Variants in CSNK1G1 observed in about 807,000 individuals in gnomAD.
CSNK1G1 encodes the protein casein kinase I isoform gamma-1.
Under a neutral mutation model 59.6 loss-of-function variants are expected in CSNK1G1, and 22 were observed. That is an observed-to-expected ratio of 0.37 (90% CI 0.26 to 0.53). CSNK1G1 has a LOEUF of 0.53. Among genes scored for constraint, CSNK1G1 ranks in the 20% least tolerant of loss-of-function variants. The pLI is 0.89. For missense variants in CSNK1G1, 384 were observed against 519.5 expected, an observed-to-expected ratio of 0.74 and a Z score of 2.54; for synonymous variants, 179 against 177.1, an observed-to-expected ratio of 1.01 and a Z score of -0.08.
chr15:64,291,205 G>T (rs1894722814), intron 2 of CSNK1G1, among the ~76,000 whole-genome samples: 1 of 152,150 alleles, frequency 6.6e-6, no homozygotes, highest in Non-Finnish European at 1.5e-5. Context: ...AAAATACCAT[G>T]ATTTTCTAAG....
intron 2 of CSNK1G1, among the ~76,000 whole-genome samples, chr15:64,277,236 G>A (rs1020458088): frequency 6.6e-6 from 1 of 152,128 alleles, no homozygotes; most frequent in African/African-American, 2.4e-5. Context: ...AGGTCAAGGT[G>A]AGAGAATCAC....
intron 10 of CSNK1G1, 54 bp from the exon 11 acceptor site, chr15:64,180,508 T>G: frequency 2.1e-6 from 3 of 1,407,490 alleles, no homozygotes; most frequent in Non-Finnish European, 2.0e-6. Flanking sequence ...AGAAATCTCT[T>G]GCCAGCGCCA....
intron 2 of CSNK1G1, among the ~76,000 whole-genome samples, chr15:64,298,360 A>G (rs1895138012): frequency 1.3e-5 from 2 of 152,364 alleles, no homozygotes; most frequent in South Asian, 4.1e-4. Flanking sequence ...TGTTTATGTC[A>G]TAATTATTTA....
chr15:64,286,990 A>G (rs1894460413), intron 2 of CSNK1G1, among the ~76,000 whole-genome samples: 1 of 152,218 alleles, frequency 6.6e-6, no homozygotes, highest in Admixed American at 6.5e-5. Context: ...ATGTAATTAT[A>G]TTAAATGCTA....
In CSNK1G1 at chr15:64,213,875, CAG is replaced by C; in HGVS notation, c.679+13_679+14del. On this transcript the variant is annotated intron_variant, in intron 6 of 11. Coordinates refer to ENST00000303052, the MANE Select transcript of CSNK1G1 (RefSeq NM_022048.5). The stretch of plus-strand genomic sequence containing the variant: ...CTAATGACTCGCCCCTTTCATGGAA[CAG>C]AAAAAAACACACCTTTGCCAAGATG... 6.4e-7 allele frequency: 1 copy of C among 1,560,244 alleles called. No individual in the cohort carries two copies. Among genetic ancestry groups the C allele is most frequent in the South Asian group, 1.1e-5 (1 of 89,706 alleles).
intron 10 of CSNK1G1, among the ~76,000 whole-genome samples, chr15:64,183,214 C>G (rs1281150992): frequency 2.0e-5 from 3 of 152,170 alleles, no homozygotes; most frequent in Non-Finnish European, 4.4e-5. Context: ...CCTAAATTCT[C>G]CTCGCTACAA....
At chr15:64,242,944 T>C (rs942260562) in intron 4 of CSNK1G1, among the ~76,000 whole-genome samples, 3 of 152,164 alleles carry the variant, frequency 2.0e-5, no homozygotes, top group African/African-American at 7.2e-5. Flanking sequence ...AATTAATATA[T>C]GAGATATATC....
chr15:64,324,269 T>A (rs1355727680), intron 1 of CSNK1G1, among the ~76,000 whole-genome samples: 1 of 152,198 alleles, frequency 6.6e-6, no homozygotes, highest in African/African-American at 2.4e-5. Context: ...TGCAAAGTAA[T>A]GTTCCTGGGT....
At chr15:64,253,133 C>T (rs1892180792) in intron 3 of CSNK1G1, among the ~76,000 whole-genome samples, 1 of 152,074 alleles carries the variant, frequency 6.6e-6, no homozygotes, top group Non-Finnish European at 1.5e-5. Context: ...CTGTTTGAGC[C>T]CAGGGGTTCG....
chr15:64,283,869 T>C (rs964279570), intron 2 of CSNK1G1, among the ~76,000 whole-genome samples: 2 of 152,238 alleles, frequency 1.3e-5, no homozygotes, highest in African/African-American at 2.4e-5. Flanking sequence ...TTTCTTCTAC[T>C]GTTTATGCTT....
chr15:64,332,372 T>C (rs1016756577), intron 1 of CSNK1G1, among the ~76,000 whole-genome samples: 4 of 140,152 alleles, frequency 2.9e-5, no homozygotes, highest in Non-Finnish European at 6.2e-5. Flanking sequence ...ATGTCCTTTG[T>C]AGGGACATGG....
chr15:64,229,769 A>G (rs2082517643), intron 4 of CSNK1G1, among the ~76,000 whole-genome samples: 1 of 152,004 alleles, frequency 6.6e-6, no homozygotes. Flanking sequence ...GTGAGCCAAG[A>G]AATTCTCCTC....
intron 4 of CSNK1G1, among the ~76,000 whole-genome samples, chr15:64,225,276 G>A (rs184651421): frequency 3.0e-3 from 462 of 152,026 alleles, no homozygotes; most frequent in Non-Finnish European, 5.6e-3. Context: ...CAGGAGAATA[G>A]GGTCTGGAAA....
intron 1 of CSNK1G1, among the ~76,000 whole-genome samples, chr15:64,347,650 A>C (rs1432225492): frequency 6.6e-6 from 1 of 151,878 alleles, no homozygotes; most frequent in East Asian, 1.9e-4. Context: ...GAAAATGTAC[A>C]GAAAAGAAAA....
chr15:64,227,872 T>C (rs1359518376), intron 4 of CSNK1G1, among the ~76,000 whole-genome samples: 1 of 152,138 alleles, frequency 6.6e-6, no homozygotes, highest in African/African-American at 2.4e-5. Context: ...CTGCCTACAT[T>C]CTCTTACTCT....
At chr15:64,204,796 G>T in intron 8 of CSNK1G1, 69 bp downstream of exon 8, 1 of 1,181,152 alleles carries the variant, frequency 8.5e-7, no homozygotes, top group Non-Finnish European at 1.3e-6. Context: ...CCTATCTAGA[G>T]ATACCCAGTC....
chr15:64,259,483 TACACACACACACAC>T (rs59936401), intron 2 of CSNK1G1, among the ~76,000 whole-genome samples: 23 of 139,818 alleles, frequency 1.6e-4, no homozygotes, highest in African/African-American at 5.7e-4. Flanking sequence ...AAATCTCTCT[TACACACACACACAC>T]ACACACACAC....
At position 64,212,141 on chromosome 15, in the gene CSNK1G1, A is replaced by G. The variant is rs1396961327; in HGVS notation, c.679+1749T>C. Among the ~76,000 whole-genome samples the G allele has an allele frequency of 2.0e-5, 3 of 152,200 alleles. No homozygotes were observed. The East Asian group carries it at 5.8e-4, about 29-fold the overall frequency. The stretch of plus-strand genomic sequence containing the variant: ...AAGCATTACCCTCATTTTACAGAGG[A>G]GTTTCAGTGAGATTAAGTAACTTGT... On this transcript the variant is annotated intron_variant, in intron 6 of 11. Transcript: ENST00000303052.
intron 2 of CSNK1G1, among the ~76,000 whole-genome samples, chr15:64,278,380 G>A (rs2140362130): frequency 1.6e-5 from 1 of 64,228 alleles, no homozygotes; most frequent in African/African-American, 8.5e-5. Context: ...GTATGTGCGT[G>A]TGTGTGTGTG....
Sources: gnomAD v4.1 joint callset for allele counts (sites outside exome capture counted in the v4.1 genomes callset) on GRCh38, gnomAD v4.1.1 for gene constraint, MANE v1.5 for transcripts, NCBI Gene and HGNC (gene_info 2026-07-23, HGNC 2026-07-21) for gene names.